CNPY1: variants seen among roughly 807,000 people sequenced by gnomAD.
The protein encoded by CNPY1 is protein canopy homolog 1.
In CNPY1, 14 loss-of-function variants were observed where a neutral mutation model predicts 14.4. The ratio of observed to expected loss-of-function variants is 0.97; its 90% CI spans 0.64 to 1.52. The LOEUF is 1.52. Among genes scored for constraint, CNPY1 ranks in the 40% most tolerant of loss-of-function variants. CNPY1 has a pLI of 0.00. For synonymous variants in CNPY1, 43 were observed against 46.5 expected, an observed-to-expected ratio of 0.92 and a Z score of 0.31; for missense variants, 129 against 131.5, an observed-to-expected ratio of 0.98 and a Z score of 0.09.
chr7:155,541,367 G>A (rs552937174), intron 2 of CNPY1, among the ~76,000 whole-genome samples: 15 of 152,318 alleles, frequency 9.8e-5, no homozygotes, highest in African/African-American at 2.4e-4. Flanking sequence ...GTCAGTCCCC[G>A]GGAGCTGAGG....
rs190606377 is a variant in CNPY1, at chr7:155,516,279, T to C, written c.100-7182A>G. Among the ~76,000 whole-genome samples, 18 of 152,338 alleles carry C rather than the reference T, an allele frequency of 1.2e-4. No individual in the cohort carries two copies. The East Asian group carries it at 3.5e-3, about 29-fold the overall frequency. ...AAGAGTTCTGAATGATGGCAGAATA[T>C]GGCTAGAACATTTGTGAAAAATCAG... On this transcript the variant is annotated intron_variant, in intron 2 of 4. Coordinates refer to ENST00000636446, the MANE Select transcript of CNPY1 (RefSeq NM_001393663.1).
intron 2 of CNPY1, among the ~76,000 whole-genome samples, chr7:155,539,058 CACCCT>C (rs1797056020): frequency 6.6e-6 from 1 of 152,338 alleles, no homozygotes; most frequent in South Asian, 2.1e-4. Flanking sequence ...CTCCCCACCC[CACCCT>C]GCCCAGCTGC....
At chr7:155,535,199 T>C (rs760563090) in intron 2 of CNPY1, among the ~76,000 whole-genome samples, 2 of 152,334 alleles carry the variant, frequency 1.3e-5, no homozygotes, top group African/African-American at 2.4e-5. Flanking sequence ...GCCTGGTCAG[T>C]ATGCAAGCAC....
At chr7:155,538,764 C>T (rs1797052101) in intron 2 of CNPY1, among the ~76,000 whole-genome samples, 1 of 152,218 alleles carries the variant, frequency 6.6e-6, no homozygotes, top group African/African-American at 2.4e-5. Context: ...GCTCTGAGCA[C>T]CGCCATGGGC....
chr7:155,530,354 T>C (rs1017190029), intron 2 of CNPY1, among the ~76,000 whole-genome samples: 16 of 143,576 alleles, frequency 1.1e-4, no homozygotes, highest in Non-Finnish European at 1.6e-4. Flanking sequence ...GGCTGGAGTA[T>C]AGTGGCGCAG....
At chr7:155,538,241 G>A (rs1263954193) in intron 2 of CNPY1, among the ~76,000 whole-genome samples, 3 of 152,198 alleles carry the variant, frequency 2.0e-5, no homozygotes, top group African/African-American at 4.8e-5. Flanking sequence ...CAATTTAGGG[G>A]TGATCCCTGA....
chr7:155,505,908 C>G (rs1465906474), intron 4 of CNPY1, among the ~76,000 whole-genome samples: 1 of 152,108 alleles, frequency 6.6e-6, no homozygotes, highest in Non-Finnish European at 1.5e-5. Flanking sequence ...TTGCAAGCTT[C>G]ATTAAAACTG....
rs1403945263 is a variant in CNPY1, at chr7:155,536,603, C to T, written c.99+9228G>A. Among the ~76,000 whole-genome samples, 1 of 152,202 alleles carries T rather than the reference C, an allele frequency of 6.6e-6. No homozygotes were observed. Among genetic ancestry groups the T allele is most frequent in the Non-Finnish European group, 1.5e-5 (1 of 68,036 alleles). ...GAAGCAAGGCCCCTCCCTGTTAGCC[C>T]TGCCTGTAAACATTTCCCACAGAAT... On this transcript the variant is annotated intron_variant, in intron 2 of 4. Transcript: ENST00000636446. This position sits in a 1 kb window ranked among gnomAD's most constrained non-coding sequence, Gnocchi z 4.1.
At chr7:155,532,857 C>T (rs1348551879) in intron 2 of CNPY1, among the ~76,000 whole-genome samples, 1 of 152,110 alleles carries the variant, frequency 6.6e-6, no homozygotes, top group South Asian at 2.1e-4. Context: ...GCTTGTGCCT[C>T]GCCGTCTCCT....
chr7:155,531,492 G>A (rs1364981230), intron 2 of CNPY1, among the ~76,000 whole-genome samples: 8 of 152,128 alleles, frequency 5.3e-5, no homozygotes, highest in Non-Finnish European at 8.8e-5. Flanking sequence ...GGTGTTGGAC[G>A]CCGCCAAGCC....
chr7:155,526,911 G>A (rs957604486), intron 2 of CNPY1, among the ~76,000 whole-genome samples: 1 of 152,104 alleles, frequency 6.6e-6, no homozygotes, highest in African/African-American at 2.4e-5. Context: ...GCAGCACCAC[G>A]GAGGCTGCAG....
intron 2 of CNPY1, among the ~76,000 whole-genome samples, chr7:155,512,887 G>A (rs556577992): frequency 3.9e-5 from 6 of 152,150 alleles, no homozygotes; most frequent in Non-Finnish European, 8.8e-5. Context: ...TCTTTCTAGA[G>A]GTTTAGTTAA....
At chr7:155,513,745 T>C (rs1441421372) in intron 2 of CNPY1, among the ~76,000 whole-genome samples, 6 of 151,840 alleles carry the variant, frequency 4.0e-5, no homozygotes, top group Non-Finnish European at 7.4e-5. Context: ...AAAGGCGTAA[T>C]GAATCAACAT....
chr7:155,517,912 A>T (rs1796652754), intron 2 of CNPY1, among the ~76,000 whole-genome samples: 1 of 152,226 alleles, frequency 6.6e-6, no homozygotes, highest in African/African-American at 2.4e-5. Context: ...TCCGATAGCC[A>T]TCATTGTCTT....
intron 2 of CNPY1, among the ~76,000 whole-genome samples, chr7:155,514,390 C>T (rs1246251730): frequency 6.6e-6 from 1 of 152,204 alleles, no homozygotes; most frequent in East Asian, 1.9e-4. Context: ...CCTTATTTTA[C>T]AGTTTTCTGC....
At chr7:155,506,914 G>A (rs922058779) in intron 4 of CNPY1, 106 bp downstream of exon 4, 3 of 727,252 alleles carry the variant, frequency 4.1e-6, no homozygotes, top group South Asian at 3.0e-5. Context: ...TCAGAGCCGT[G>A]GATCGCAGAG....
At chr7:155,522,904 C>T (rs1796750915) in intron 2 of CNPY1, among the ~76,000 whole-genome samples, 1 of 152,192 alleles carries the variant, frequency 6.6e-6, no homozygotes, top group South Asian at 2.1e-4. Flanking sequence ...TGAAAACAGC[C>T]AGACTCAAAG....
intron 2 of CNPY1, among the ~76,000 whole-genome samples, chr7:155,526,110 A>G (rs1389986910): frequency 6.6e-6 from 1 of 152,236 alleles, no homozygotes; most frequent in African/African-American, 2.4e-5. Context: ...ATATCCTAAA[A>G]AATGCTATCA....
rs1167517582 is a variant in CNPY1, at chr7:155,515,084, A to G, written c.100-5987T>C. Among the ~76,000 whole-genome samples the G allele has an allele frequency of 6.6e-5, 10 of 152,152 alleles. No individual in the cohort carries two copies. In the East Asian group the frequency reaches 1.5e-3, roughly 24 times the overall value. On this transcript the variant is annotated intron_variant, in intron 2 of 4. Transcript: ENST00000636446. ...TAGGCACACAGATGCATGCACACAC[A>G]TGGATTATGCAGAAGGGGCCAGCTG...
Sources: allele counts gnomAD v4.1 joint callset (sites outside exome capture counted in the v4.1 genomes callset), GRCh38; gene constraint gnomAD v4.1.1; non-coding constraint Gnocchi (gnomAD v3.1); transcripts MANE v1.5; gene names NCBI Gene and HGNC (gene_info 2026-07-23, HGNC 2026-07-21).